AKR1C3: variants seen among roughly 807,000 people sequenced by gnomAD.
AKR1C3 encodes the protein aldo-keto reductase family 1 member C3.
A neutral mutation model predicts 43.6 loss-of-function variants in AKR1C3; 48 were observed. The ratio of observed to expected loss-of-function variants is 1.10; its 90% confidence interval spans 0.87 to 1.40. The LOEUF (loss-of-function observed/expected upper bound fraction) is 1.40. AKR1C3 is among the 40% of genes most tolerant of loss of function. The pLI, the probability that AKR1C3 is intolerant of heterozygous loss-of-function variation, is 0.00. For synonymous variants in AKR1C3, 162 were observed against 139.6 expected (o/e 1.16, Z -1.13); for missense variants, 482 against 391.2 (o/e 1.23, Z -1.96).
chr10:5,074,299 CTA>C (rs1838667123), intron 1 of AKR1C3, among the ~76,000 whole-genome samples: 1 of 152,136 alleles, frequency 6.6e-6, no homozygotes, highest in Non-Finnish European at 1.5e-5. Flanking sequence ...AATAAACTCT[CTA>C]TATTAACTGA....
At chr10:5,078,788 T>C (rs1219912475) in intron 1 of AKR1C3, among the ~76,000 whole-genome samples, 1 of 152,116 alleles carries the variant, frequency 6.6e-6, no homozygotes, top group Non-Finnish European at 1.5e-5. Flanking sequence ...GCATGGTAAG[T>C]TGAAAATATT....
At chr10:5,052,353 C>T (rs1180219991) in intron 1 of AKR1C3, among the ~76,000 whole-genome samples, 2 of 152,170 alleles carry the variant, frequency 1.3e-5, no homozygotes, top group Admixed American at 1.3e-4. Context: ...AATAACAAAG[C>T]TTCCACAGTG....
intron 1 of AKR1C3, among the ~76,000 whole-genome samples, chr10:5,085,791 G>T (rs575700968): frequency 6.6e-6 from 1 of 151,786 alleles, no homozygotes; most frequent in African/African-American, 2.4e-5. Context: ...ACTTCTTCCT[G>T]GTTTAGTCTT....
chr10:5,057,439 C>T (rs1838284845), intron 1 of AKR1C3, among the ~76,000 whole-genome samples: 1 of 152,134 alleles, frequency 6.6e-6, no homozygotes. Context: ...CCAGGGCTTG[C>T]TTTTGGAGCT....
intron 4 of AKR1C3, 47 bp from the exon 5 acceptor site, chr10:5,099,280 T>G: frequency 1.2e-5 from 19 of 1,612,764 alleles, no homozygotes; most frequent in Non-Finnish European, 1.6e-5. Context: ...TTACCGTGAT[T>G]TGCAGCCAAC....
intron 1 of AKR1C3, among the ~76,000 whole-genome samples, chr10:5,067,603 T>C (rs1433510050): frequency 7.7e-6 from 1 of 129,810 alleles, no homozygotes; most frequent in African/African-American, 2.6e-5. Flanking sequence ...ATGGGAAAGC[T>C]TTTATACAAC....
rs554897892 is a variant in AKR1C3 at position 5,059,310 on chromosome 10, G to T, written c.84+10415G>T. ...CTTTAGAAGCAAGACTAACCTTGGA[G>T]AAGAGAGTCAAGAGAAAGTTTCTCT... is the stretch of plus-strand genomic sequence containing the variant. On this transcript the variant is annotated intron_variant, in intron 1 of 8. Transcript: ENST00000439082. Among the ~76,000 whole-genome samples, 43 of 152,318 alleles carry T rather than the reference G, an allele frequency of 2.8e-4. 1 individual carries two copies. The South Asian group carries it at 8.9e-3, about 32-fold the overall frequency.
intron 1 of AKR1C3, among the ~76,000 whole-genome samples, chr10:5,065,188 C>T (rs575381383): frequency 6.6e-6 from 1 of 152,128 alleles, no homozygotes; most frequent in Admixed American, 6.5e-5. Flanking sequence ...TTGTAGAAAG[C>T]AGTGTGGTGA....
chr10:5,097,367 T>A (rs1192001052), intron 2 of AKR1C3, 67 bp from the exon 3 acceptor site: 4 of 1,566,180 alleles, frequency 2.6e-6, no homozygotes, highest in Non-Finnish European at 3.5e-6. Flanking sequence ...AAATACTAGA[T>A]GGCACAAAGT....
At chr10:5,050,593 A>T (rs1838134152) in intron 1 of AKR1C3, among the ~76,000 whole-genome samples, 1 of 152,328 alleles carries the variant, frequency 6.6e-6, no homozygotes, top group East Asian at 1.9e-4. Context: ...ACTGGTAGAT[A>T]CCATTGTTGA....
intron 1 of AKR1C3, among the ~76,000 whole-genome samples, chr10:5,081,335 G>T (rs879994096): frequency 1.3e-5 from 2 of 152,104 alleles, no homozygotes; most frequent in Non-Finnish European, 2.9e-5. Context: ...TATAAGGATG[G>T]TGTCACCTTC....
upstream of AKR1C3, among the ~76,000 whole-genome samples, chr10:5,090,954 C>T (rs11252933): frequency 0.19 from 28,590 of 151,974 alleles, 3,616 homozygotes; most frequent in East Asian, 0.62. Context: ...TTGGCATTGA[C>T]TATTGACCTT....
At chr10:5,079,701 C>G (rs1277416908) in intron 1 of AKR1C3, among the ~76,000 whole-genome samples, 5 of 152,086 alleles carry the variant, frequency 3.3e-5, no homozygotes, top group Admixed American at 2.6e-4. Context: ...CTCTCTCCCC[C>G]ATTACCTGAG....
intron 1 of AKR1C3, among the ~76,000 whole-genome samples, chr10:5,053,188 G>A (rs1554779164): frequency 6.6e-6 from 1 of 152,236 alleles, no homozygotes; most frequent in Non-Finnish European, 1.5e-5. Flanking sequence ...GGGTGCCGTG[G>A]AGCAGGGGGC....
rs571285398 is a variant in AKR1C3, at chr10:5,098,922, G to A, written c.447+43G>A. 1,551 of 1,493,050 alleles carry A rather than the reference G, an allele frequency of 1.0e-3. 15 individuals carry two copies. In the South Asian group the frequency reaches 0.018, roughly 17 times the overall value. 92.5% of individuals were successfully genotyped at this position (1,493,050 alleles called of 1,614,324 possible). On this transcript the variant is annotated intron_variant, in intron 4 of 8. Coordinates refer to ENST00000380554, the MANE Select transcript of AKR1C3 (RefSeq NM_003739.6). ...AGGACACAGAGAAGGATGACAAAAAGAGAAAATCTGTTTCCCAGGTTCAAT... is the reference window on the plus strand; with the variant it reads ...AGGACACAGAGAAGGATGACAAAAAAAGAAAATCTGTTTCCCAGGTTCAAT...
chr10:5,098,100 T>G (rs1451521984), intron 3 of AKR1C3: 1 of 987,190 alleles, frequency 1.0e-6, no homozygotes, highest in Non-Finnish European at 1.2e-6. Context: ...GTGTATAACT[T>G]TTGATTTAAA....
At chr10:5,075,574 A>C (rs1838699894) in intron 1 of AKR1C3, among the ~76,000 whole-genome samples, 1 of 152,142 alleles carries the variant, frequency 6.6e-6, no homozygotes, top group Admixed American at 6.5e-5. Context: ...ATGTGGAAAA[A>C]AGCCATTTGT....
At position 5,102,097 on chromosome 10, in the gene AKR1C3, G is replaced by T. The variant is rs782789797; in HGVS notation, c.571-4G>T. The T allele has an allele frequency of 6.3e-7, 1 of 1,587,512 alleles. No individual in the cohort carries two copies. Among genetic ancestry groups the T allele is most frequent in the Non-Finnish European group, 8.6e-7 (1 of 1,157,466 alleles). Reference sequence around the variant, plus strand: ...TGATGCTTCTCTCTTTTGGTCAACTGCAGGTAGAATGTCATCCGTATTTCA... The same window carrying T: ...TGATGCTTCTCTCTTTTGGTCAACTTCAGGTAGAATGTCATCCGTATTTCA... On this transcript the variant is annotated splice_polypyrimidine_tract_variant and splice_region_variant and intron_variant, in intron 5 of 8. Transcript: ENST00000380554.
intron 1 of AKR1C3, chr10:5,081,970 A>G (rs1554782398): frequency 6.6e-6 from 1 of 152,180 alleles, no homozygotes; most frequent in East Asian, 1.9e-4. Flanking sequence ...GCTACATGGC[A>G]TTCACCCTAA....
Sources: gnomAD v4.1 joint callset for allele counts (sites outside exome capture counted in the v4.1 genomes callset) on GRCh38, gnomAD v4.1.1 for gene constraint, MANE v1.5 for transcripts, NCBI Gene and HGNC (gene_info 2026-07-23, HGNC 2026-07-21) for gene names.